Variants in CNTNAP2 observed in about 807,000 individuals in gnomAD.
CNTNAP2 encodes contactin associated protein 2, also known as contactin-associated protein-like 2.
Under a neutral mutation model 155.2 loss-of-function variants are expected in CNTNAP2, and 98 were observed. That is an observed-to-expected ratio of 0.63 (90% CI 0.54 to 0.75). The LOEUF is 0.75. CNTNAP2 is among the 30% of genes least tolerant of loss of function. The pLI, the probability that CNTNAP2 is intolerant of heterozygous loss-of-function variation, is 0.00. For synonymous variants in CNTNAP2, 651 were observed against 631.2 expected (o/e 1.03, Z -0.47); for missense variants, 1,727 against 1,688.1 (o/e 1.02, Z -0.40).
intron 13 of CNTNAP2, among the ~76,000 whole-genome samples, chr7:147,833,151 A>G (rs1238499574): frequency 2.0e-5 from 3 of 151,004 alleles, no homozygotes; most frequent in Non-Finnish European, 4.4e-5. Flanking sequence ...TCATGAAACA[A>G]TGATAACTGC....
chr7:147,812,800 G>C (rs1485316918), intron 13 of CNTNAP2, among the ~76,000 whole-genome samples: 1 of 152,162 alleles, frequency 6.6e-6, no homozygotes, highest in Non-Finnish European at 1.5e-5. Flanking sequence ...TAATGGAAGA[G>C]ATTTCACATA....
chr7:147,250,985 A>G (rs1172092703), intron 8 of CNTNAP2, among the ~76,000 whole-genome samples: 1 of 152,148 alleles, frequency 6.6e-6, no homozygotes, highest in Non-Finnish European at 1.5e-5. Flanking sequence ...TTCTTTATAG[A>G]GCACCCTTGG....
At chr7:146,477,088 TAGAGAA>T (rs1796888656) in intron 1 of CNTNAP2, among the ~76,000 whole-genome samples, 1 of 152,184 alleles carries the variant, frequency 6.6e-6, no homozygotes, top group Non-Finnish European at 1.5e-5. Context: ...ACTATGATCC[TAGAGAA>T]AGAGAAAGTT....
intron 9 of CNTNAP2, among the ~76,000 whole-genome samples, chr7:147,304,463 T>C (rs1462146262): frequency 6.6e-6 from 1 of 152,238 alleles, no homozygotes; most frequent in East Asian, 1.9e-4. Context: ...CAGTATGATT[T>C]TTAAATTTCT....
At chr7:147,516,347 T>TA (rs200206635) in intron 11 of CNTNAP2, among the ~76,000 whole-genome samples, 2 of 152,196 alleles carry the variant, frequency 1.3e-5, no homozygotes, top group Non-Finnish European at 2.9e-5. Context: ...TTTTTTCAAT[T>TA]AAAAAAGTGT....
At chr7:147,351,266 A>G (rs945669077) in intron 9 of CNTNAP2, among the ~76,000 whole-genome samples, 3 of 151,684 alleles carry the variant, frequency 2.0e-5, no homozygotes, top group Admixed American at 1.3e-4. Flanking sequence ...AATAATGTAG[A>G]AAAAAAATTT....
intron 1 of CNTNAP2, among the ~76,000 whole-genome samples, chr7:146,514,518 T>G (rs1158791344): frequency 6.6e-6 from 1 of 152,126 alleles, no homozygotes; most frequent in Non-Finnish European, 1.5e-5. Context: ...GACTCTCTGA[T>G]GCATTTTTCA....
At position 147,877,725 on chromosome 7, in the gene CNTNAP2, G is replaced by GT. The variant is rs1319243637; in HGVS notation, c.2099-25832dup. Among the ~76,000 whole-genome samples, 11 of 151,326 alleles carry GT rather than the reference G, an allele frequency of 7.3e-5. No individual in the cohort carries two copies. The East Asian group carries it at 7.7e-4, about 11-fold the overall frequency. ...AGAGATACTAGCTGGGTTGTGTCTG[G>GT]TTTTTTTTCATTGTTTTTGTTTGTT... On this transcript the variant is annotated intron_variant, in intron 13 of 23. Transcript: ENST00000361727.
At chr7:146,254,168 AACAC>A (rs1260087084) in intron 1 of CNTNAP2, among the ~76,000 whole-genome samples, 7 of 146,492 alleles carry the variant, frequency 4.8e-5, no homozygotes, top group South Asian at 2.1e-4. Context: ...CACACAAGCA[AACAC>A]ACACAATATA....
At chr7:147,875,858 C>A (rs1040758306) in intron 13 of CNTNAP2, among the ~76,000 whole-genome samples, 2 of 152,170 alleles carry the variant, frequency 1.3e-5, no homozygotes, top group African/African-American at 4.8e-5. Flanking sequence ...GGTGACCCTA[C>A]CTTCAGAAGC....
chr7:146,955,384 T>C (rs934938630), intron 3 of CNTNAP2, among the ~76,000 whole-genome samples: 17 of 151,968 alleles, frequency 1.1e-4, no homozygotes, highest in Non-Finnish European at 1.8e-4. Context: ...CCTGCTTATA[T>C]GCCACACAAG....
At chr7:147,898,232 C>G (rs1450250983) in intron 13 of CNTNAP2, among the ~76,000 whole-genome samples, 1 of 152,198 alleles carries the variant, frequency 6.6e-6, no homozygotes. Flanking sequence ...TTACATTCAT[C>G]CTGGACTCCA....
intron 8 of CNTNAP2, among the ~76,000 whole-genome samples, chr7:147,137,083 T>A (rs528961240): frequency 6.6e-6 from 1 of 151,828 alleles, no homozygotes; most frequent in South Asian, 2.1e-4. Flanking sequence ...TTTCTGATTC[T>A]AAGAAAATAA....
chr7:146,347,986 C>T (rs1298336912), intron 1 of CNTNAP2, among the ~76,000 whole-genome samples: 3 of 152,152 alleles, frequency 2.0e-5, no homozygotes, highest in Non-Finnish European at 4.4e-5. Context: ...GTTTTATTAA[C>T]GGCCCTGCGA....
intron 12 of CNTNAP2, among the ~76,000 whole-genome samples, chr7:147,617,622 C>T (rs1045252198): frequency 2.6e-5 from 4 of 152,112 alleles, no homozygotes; most frequent in African/African-American, 9.7e-5. Flanking sequence ...TGCCACCAAG[C>T]ATAACCCCAC....
chr7:146,193,582 T>C (rs984007997), intron 1 of CNTNAP2, among the ~76,000 whole-genome samples: 1 of 152,208 alleles, frequency 6.6e-6, no homozygotes, highest in African/African-American at 2.4e-5. Flanking sequence ...GTCCCTAGGC[T>C]GCAGAGCAGA....
intron 18 of CNTNAP2, among the ~76,000 whole-genome samples, chr7:148,195,126 C>G (rs1795255948): frequency 6.6e-6 from 1 of 152,180 alleles, no homozygotes. Flanking sequence ...ATAGGCTTGG[C>G]TTTCCTTTCT....
chr7:147,938,555 T>C (rs1800657984), intron 14 of CNTNAP2, among the ~76,000 whole-genome samples: 1 of 152,132 alleles, frequency 6.6e-6, no homozygotes, highest in South Asian at 2.1e-4. Flanking sequence ...GAAAAGAACA[T>C]TTAAATATAT....
At chr7:146,660,447 G>A (rs1317415072) in intron 1 of CNTNAP2, among the ~76,000 whole-genome samples, 7 of 152,254 alleles carry the variant, frequency 4.6e-5, no homozygotes, top group African/African-American at 1.4e-4. Flanking sequence ...TTATATCATC[G>A]AGCTAAATTT....
Sources: gnomAD v4.1 joint callset for allele counts (sites outside exome capture counted in the v4.1 genomes callset) on GRCh38, gnomAD v4.1.1 for gene constraint, MANE v1.5 for transcripts, NCBI Gene and HGNC (gene_info 2026-07-23, HGNC 2026-07-21) for gene names.